The following RHOBTB1 variants were observed in gnomAD, a reference collection of about 807,000 sequenced individuals.
RHOBTB1 encodes rho-related BTB domain-containing protein 1.
A neutral mutation model predicts 71.6 loss-of-function variants in RHOBTB1; 40 were observed. The ratio of observed to expected loss-of-function variants is 0.56; its 90% CI spans 0.43 to 0.73. The LOEUF (loss-of-function observed/expected upper bound fraction) is 0.73, where lower values mean the gene tolerates loss of function less well. RHOBTB1 is among the 30% of genes least tolerant of loss of function. RHOBTB1 has a pLI of 0.00. For missense variants in RHOBTB1, 797 were observed against 894.0 expected, an observed-to-expected ratio of 0.89 and a Z score of 1.38; for synonymous variants, 319 against 334.9, an observed-to-expected ratio of 0.95 and a Z score of 0.52.
At chr10:60,873,047 T>C (rs894151063) in intron 9 of RHOBTB1, among the ~76,000 whole-genome samples, 1 of 152,190 alleles carries the variant, frequency 6.6e-6, no homozygotes, top group African/African-American at 2.4e-5. Flanking sequence ...ACCTACAGCA[T>C]GCTTCCTCTG....
At chr10:60,991,892 C>T (rs137982852) in intron 1 of RHOBTB1, among the ~76,000 whole-genome samples, 3 of 152,198 alleles carry the variant, frequency 2.0e-5, no homozygotes, top group Middle Eastern at 3.4e-3. Flanking sequence ...AGAAGAGTTT[C>T]GGTTCCATAT....
chr10:60,893,105 T>TA (rs11304357), intron 4 of RHOBTB1, 110 bp from the exon 5 acceptor site: 10,843 of 619,412 alleles, frequency 0.018, no homozygotes, highest in South Asian at 0.023. Context: ...ATGTCACAAT[T>TA]AAAAAAAAAA....
At chr10:60,971,471 T>C (rs1376673024) in intron 2 of RHOBTB1, among the ~76,000 whole-genome samples, 1 of 151,954 alleles carries the variant, frequency 6.6e-6, no homozygotes, top group African/African-American at 2.4e-5. Flanking sequence ...AAAAATGCTG[T>C]TGGGAAAACT....
At chr10:60,894,521 TCTTA>T (rs2082071316) in intron 4 of RHOBTB1, among the ~76,000 whole-genome samples, 1 of 152,302 alleles carries the variant, frequency 6.6e-6, no homozygotes, top group South Asian at 2.1e-4. Flanking sequence ...CTGCGCTCAG[TCTTA>T]CTTACAATCA....
At chr10:60,881,360 T>C (rs2081321673) in intron 7 of RHOBTB1, among the ~76,000 whole-genome samples, 1 of 152,206 alleles carries the variant, frequency 6.6e-6, no homozygotes, top group Non-Finnish European at 1.5e-5. Flanking sequence ...AACTTTAAAA[T>C]TTGAACCATT....
chr10:60,955,809 A>T (rs1414247048), intron 2 of RHOBTB1, among the ~76,000 whole-genome samples: 1 of 152,214 alleles, frequency 6.6e-6, no homozygotes, highest in Non-Finnish European at 1.5e-5. Context: ...TGAAAAACCA[A>T]CATATCACTA....
chr10:60,898,763 T>C (rs1013346402), intron 4 of RHOBTB1, among the ~76,000 whole-genome samples: 1 of 152,212 alleles, frequency 6.6e-6, no homozygotes, highest in African/African-American at 2.4e-5. Flanking sequence ...AGTGATTAGC[T>C]TGTGCAACTA....
At chr10:60,933,686 G>C (rs533071532) in intron 2 of RHOBTB1, among the ~76,000 whole-genome samples, 2 of 151,566 alleles carry the variant, frequency 1.3e-5, no homozygotes, top group Non-Finnish European at 2.9e-5. Context: ...AGGTGAGAGT[G>C]AGAATCCGTC....
At chr10:60,978,286 T>C (rs1170041906) in intron 2 of RHOBTB1, among the ~76,000 whole-genome samples, 3 of 152,306 alleles carry the variant, frequency 2.0e-5, no homozygotes, top group Non-Finnish European at 2.9e-5. Context: ...GGCTTATTCC[T>C]ACCGTTTCTG....
intron 2 of RHOBTB1, among the ~76,000 whole-genome samples, chr10:60,914,673 C>T (rs2083175765): frequency 6.6e-6 from 1 of 152,126 alleles, no homozygotes; most frequent in African/African-American, 2.4e-5. Context: ...GACGGAATGG[C>T]TGTGTCGCTT....
chr10:60,872,605 C>A (rs80149331), intron 9 of RHOBTB1, among the ~76,000 whole-genome samples: 2,449 of 151,570 alleles, frequency 0.016, 69 homozygotes, highest in African/African-American at 0.055. Flanking sequence ...CAACCGTGGC[C>A]TCTGGAAGGC....
chr10:60,973,928 T>C (rs1406695667), intron 2 of RHOBTB1, among the ~76,000 whole-genome samples: 3 of 152,028 alleles, frequency 2.0e-5, no homozygotes, highest in Non-Finnish European at 4.4e-5. Flanking sequence ...ATGTTTGAAG[T>C]AGTTTAGGCC....
chr10:60,865,704 A>G (rs1169810437), downstream of RHOBTB1, among the ~76,000 whole-genome samples: 1 of 152,192 alleles, frequency 6.6e-6, no homozygotes, highest in African/African-American at 2.4e-5. Context: ...AGCCTTTCAG[A>G]TTCTTTGCAT....
intron 2 of RHOBTB1, among the ~76,000 whole-genome samples, chr10:60,983,046 G>C (rs1290324403): frequency 6.6e-6 from 1 of 152,050 alleles, no homozygotes; most frequent in Non-Finnish European, 1.5e-5. Context: ...AAAATTACAA[G>C]TGCTAGATGG....
At chr10:60,937,764 A>C (rs1013705) in intron 2 of RHOBTB1, among the ~76,000 whole-genome samples, 9,768 of 152,278 alleles carry the variant, frequency 0.064, 557 homozygotes, top group African/African-American at 0.15. Flanking sequence ...CCATTCCTTA[A>C]AATATCAGAA....
upstream of RHOBTB1, among the ~76,000 whole-genome samples, chr10:60,947,866 G>A (rs1227305060): frequency 6.6e-6 from 1 of 152,134 alleles, no homozygotes; most frequent in Non-Finnish European, 1.5e-5. Context: ...GCAATTGCTA[G>A]GTCATATGCT....
At chr10:60,944,690 G>C (rs1322864212), upstream of RHOBTB1, among the ~76,000 whole-genome samples, 2 of 152,192 alleles carry the variant, frequency 1.3e-5, no homozygotes, top group East Asian at 3.9e-4. Flanking sequence ...GGAGCTGACC[G>C]GCCGCGGACT....
intron 2 of RHOBTB1, among the ~76,000 whole-genome samples, chr10:60,959,473 A>G (rs985514269): frequency 2.0e-5 from 3 of 152,178 alleles, no homozygotes; most frequent in Non-Finnish European, 2.9e-5. Flanking sequence ...CACACAGTCC[A>G]TTAAAAATGT....
rs1554837712 is a variant in RHOBTB1 at position 60,905,473 on chromosome 10, A to AAT, written c.296+5413_296+5414insAT. Among the ~76,000 whole-genome samples the AAT allele has an allele frequency of 4.1e-3, 621 of 150,770 alleles. 3 individuals carry two copies. The highest frequency in any genetic ancestry group is 0.015 in the African/African-American group (599 of 40,604). The stretch of plus-strand genomic sequence containing the variant: ...TCAAAAAAAAAAAAAAAAAAAAAAA[A>AAT]AATTCAAATTAAGGCAAAAAAATCC... On this transcript the variant is annotated intron_variant, in intron 4 of 10. Transcript: ENST00000337910.
Sources: allele counts gnomAD v4.1 joint callset (sites outside exome capture counted in the v4.1 genomes callset), GRCh38; gene constraint gnomAD v4.1.1; transcripts MANE v1.5; gene names NCBI Gene and HGNC (gene_info 2026-07-23, HGNC 2026-07-21).